CNTN5: variants seen among roughly 807,000 people sequenced by gnomAD.
CNTN5 encodes contactin 5.
In CNTN5, 77 loss-of-function variants were observed where a neutral mutation model predicts 129.1. That is an observed-to-expected ratio of 0.60 (90% CI 0.50 to 0.72). The LOEUF (loss-of-function observed/expected upper bound fraction) is 0.72, where lower values mean the gene tolerates loss of function less well. Among genes scored for constraint, CNTN5 ranks in the 30% least tolerant of loss-of-function variants. The probability of loss-of-function intolerance (pLI) is 0.00; values close to 1 mark genes in which losing one functional copy is unlikely to be tolerated. For synonymous variants in CNTN5, 509 were observed against 465.6 expected (o/e 1.09, Z -1.20); for missense variants, 1,478 against 1,328.8 (o/e 1.11, Z -1.75).
intron 3 of CNTN5, among the ~76,000 whole-genome samples, chr11:99,752,116 G>A (rs1944257013): frequency 6.6e-6 from 1 of 152,040 alleles, no homozygotes; most frequent in Admixed American, 6.6e-5. Flanking sequence ...TTTCATTATA[G>A]CAGCACAGAA....
intron 1 of CNTN5, among the ~76,000 whole-genome samples, chr11:99,274,679 G>A (rs973284654): frequency 3.0e-4 from 46 of 151,252 alleles, no homozygotes; most frequent in African/African-American, 1.1e-3. Context: ...ATATATATAT[G>A]AATGCTTCTT....
At chr11:99,080,743 A>G (rs67878813) in intron 1 of CNTN5, among the ~76,000 whole-genome samples, 17,764 of 152,242 alleles carry the variant, frequency 0.12, 1,295 homozygotes, top group Non-Finnish European at 0.16. Context: ...AGGAATAGCT[A>G]TTGAATAGGG....
At chr11:99,557,966 A>G (rs1051985479) in intron 3 of CNTN5, among the ~76,000 whole-genome samples, 2 of 151,844 alleles carry the variant, frequency 1.3e-5, no homozygotes, top group African/African-American at 4.8e-5. Context: ...AATTATTTAT[A>G]TATTAGTACT....
intron 1 of CNTN5, among the ~76,000 whole-genome samples, chr11:99,113,988 C>T (rs999717712): frequency 5.3e-5 from 8 of 152,200 alleles, no homozygotes; most frequent in South Asian, 4.1e-4. Context: ...TCATAAGTTA[C>T]GCTTATCTAT....
intron 3 of CNTN5, among the ~76,000 whole-genome samples, chr11:99,715,028 C>T (rs759550278): frequency 1.3e-5 from 2 of 151,796 alleles, no homozygotes; most frequent in African/African-American, 2.4e-5. Flanking sequence ...TAAACTAGAG[C>T]TAATAATAGT....
At chr11:99,138,374 T>G (rs1156929013) in intron 1 of CNTN5, among the ~76,000 whole-genome samples, 5 of 152,204 alleles carry the variant, frequency 3.3e-5, no homozygotes, top group Non-Finnish European at 5.9e-5. Flanking sequence ...GCAACTTTGA[T>G]GTACAAGCAT....
intron 13 of CNTN5, among the ~76,000 whole-genome samples, chr11:100,151,330 T>C (rs558972282): frequency 6.6e-6 from 1 of 152,228 alleles, no homozygotes; most frequent in South Asian, 2.1e-4. Flanking sequence ...TTGTCCTAGG[T>C]ACTGGGAAAC....
At chr11:100,346,633 A>G (rs1452254389) in intron 23 of CNTN5, among the ~76,000 whole-genome samples, 1 of 152,144 alleles carries the variant, frequency 6.6e-6, no homozygotes, top group African/African-American at 2.4e-5. Context: ...TATCTAGAAA[A>G]TAGCCTTTCC....
At chr11:99,102,752 C>T (rs764740846) in intron 1 of CNTN5, among the ~76,000 whole-genome samples, 4 of 152,158 alleles carry the variant, frequency 2.6e-5, no homozygotes, top group Admixed American at 2.0e-4. Flanking sequence ...CAAATTTTAT[C>T]ACATTTTTCT....
At chr11:100,071,628 T>C in intron 11 of CNTN5, 77 bp from the exon 12 acceptor site, 1 of 1,119,028 alleles carries the variant, frequency 8.9e-7, no homozygotes, top group Non-Finnish European at 1.2e-6. Flanking sequence ...TGTTTTTTCT[T>C]AGTCTAGGAG....
At chr11:99,866,718 T>G (rs1439366686) in intron 6 of CNTN5, among the ~76,000 whole-genome samples, 1 of 152,224 alleles carries the variant, frequency 6.6e-6, no homozygotes, top group Non-Finnish European at 1.5e-5. Context: ...TTTGCTATTG[T>G]GACCATTGTG....
chr11:100,060,637 T>C (rs1013341921), intron 9 of CNTN5, among the ~76,000 whole-genome samples: 1 of 107,116 alleles, frequency 9.3e-6, no homozygotes, highest in Non-Finnish European at 1.8e-5. Context: ...AACAATTTTT[T>C]TTCTTTTTTT....
At chr11:100,308,284 C>A in intron 20 of CNTN5, 75 bp from the exon 21 acceptor site, 1 of 1,321,458 alleles carries the variant, frequency 7.6e-7, no homozygotes, top group Non-Finnish European at 1.0e-6. Flanking sequence ...AGGAATTTAA[C>A]ACCTGACAGA....
At chr11:99,386,340 G>T (rs1175928018) in intron 2 of CNTN5, among the ~76,000 whole-genome samples, 2 of 152,210 alleles carry the variant, frequency 1.3e-5, no homozygotes, top group East Asian at 3.8e-4. Flanking sequence ...CTACTCCATG[G>T]ACAGAGCAGC....
intron 2 of CNTN5, among the ~76,000 whole-genome samples, chr11:99,372,481 G>T (rs780996721): frequency 2.0e-5 from 3 of 152,182 alleles, no homozygotes; most frequent in Admixed American, 6.5e-5. Flanking sequence ...CTAAAGGAAG[G>T]TAGTGAATAT....
intron 9 of CNTN5, among the ~76,000 whole-genome samples, chr11:100,007,017 T>A (rs1034262596): frequency 9.9e-5 from 15 of 152,096 alleles, no homozygotes; most frequent in Non-Finnish European, 1.9e-4. Context: ...ATGAGATGCA[T>A]TGTCAATGGA....
intron 7 of CNTN5, among the ~76,000 whole-genome samples, chr11:99,931,871 C>T (rs1295125263): frequency 2.0e-5 from 3 of 152,154 alleles, no homozygotes; most frequent in Admixed American, 6.5e-5. Context: ...GTTACGATAT[C>T]CTTCTAATTC....
chr11:99,889,324 G>GTT (rs1435479814), intron 6 of CNTN5, among the ~76,000 whole-genome samples: 752 of 26,260 alleles, frequency 0.029, 33 homozygotes, highest in Admixed American at 0.14. Context: ...GTGTGTGTGT[G>GTT]TGTGTGTGTG....
intron 1 of CNTN5, among the ~76,000 whole-genome samples, chr11:99,199,566 T>A (rs1421980760): frequency 6.6e-6 from 1 of 152,176 alleles, no homozygotes; most frequent in Non-Finnish European, 1.5e-5. Context: ...CTCCAAGCCA[T>A]GGACTGTGTT....
Sources: allele counts gnomAD v4.1 joint callset (sites outside exome capture counted in the v4.1 genomes callset), GRCh38; gene constraint gnomAD v4.1.1; transcripts MANE v1.5; gene names NCBI Gene and HGNC (gene_info 2026-07-23, HGNC 2026-07-21).